ACBD6: variants seen among roughly 807,000 people sequenced by gnomAD.
ACBD6 encodes the protein acyl-CoA binding domain containing 6.
In ACBD6, 28 loss-of-function variants were observed where a neutral mutation model predicts 37.2. The ratio of observed to expected loss-of-function variants is 0.75; its 90% CI spans 0.56 to 1.03. ACBD6 has a LOEUF of 1.03. Among genes scored for constraint, ACBD6 ranks in the 50% least tolerant of loss-of-function variants. The pLI, the probability that ACBD6 is intolerant of heterozygous loss-of-function variation, is 0.00. For synonymous variants in ACBD6, 113 were observed against 126.8 expected (o/e 0.89, Z 0.73); for missense variants, 340 against 337.4 (o/e 1.01, Z -0.06).
intron 6 of ACBD6, among the ~76,000 whole-genome samples, chr1:180,315,432 T>C (rs1379629140): frequency 1.3e-5 from 2 of 152,138 alleles, no homozygotes; most frequent in Non-Finnish European, 2.9e-5. Flanking sequence ...CAACAAATAA[T>C]CAAAGTACAC....
intron 1 of ACBD6, among the ~76,000 whole-genome samples, chr1:180,498,893 T>C (rs533092705): frequency 1.3e-4 from 20 of 152,140 alleles, no homozygotes; most frequent in Admixed American, 6.5e-4. Context: ...CAGTATCTTA[T>C]GAAGTCAACA....
chr1:180,479,593 G>A (rs866697440), intron 3 of ACBD6, among the ~76,000 whole-genome samples: 1 of 152,130 alleles, frequency 6.6e-6, no homozygotes, highest in South Asian at 2.1e-4. Flanking sequence ...TAGCAGAGTA[G>A]AGGGACTACA....
intron 1 of ACBD6, among the ~76,000 whole-genome samples, chr1:180,499,114 G>A (rs1651853626): frequency 6.6e-6 from 1 of 152,110 alleles, no homozygotes; most frequent in Non-Finnish European, 1.5e-5. Flanking sequence ...GAGAAAATAA[G>A]GTTCATATTT....
intron 9 of ACBD6, among the ~76,000 whole-genome samples, chr1:180,280,088 C>T (rs960524031): frequency 1.3e-5 from 2 of 152,162 alleles, no homozygotes; most frequent in African/African-American, 2.4e-5. Flanking sequence ...TTCATGTGAC[C>T]AGTGGCTACT....
At chr1:180,316,884 G>C (rs768252927) in intron 6 of ACBD6, among the ~76,000 whole-genome samples, 13 of 152,128 alleles carry the variant, frequency 8.5e-5, no homozygotes, top group Non-Finnish European at 1.8e-4. Flanking sequence ...TGATGAGTAC[G>C]CTGGAAAACA....
chr1:180,497,571 A>T (rs977732266), intron 1 of ACBD6, among the ~76,000 whole-genome samples: 8 of 152,252 alleles, frequency 5.3e-5, no homozygotes, highest in Admixed American at 3.3e-4. Flanking sequence ...ATTAGAAATT[A>T]AAACTGGGAC....
chr1:180,278,345 CT>C (rs1649166671), intron 9 of ACBD6: 2 of 150,114 alleles, frequency 1.3e-5, no homozygotes, highest in African/African-American at 4.9e-5. Context: ...TGGCTCTCTT[CT>C]TTCTTGGATT....
intron 6 of ACBD6, among the ~76,000 whole-genome samples, chr1:180,354,554 T>C (rs17372362): frequency 0.15 from 22,708 of 151,986 alleles, 1,822 homozygotes; most frequent in Middle Eastern, 0.22. Context: ...CTGGGTCTCC[T>C]AAAAAAAAGT....
rs555958029 is a variant in ACBD6 at position 180,437,140 on chromosome 1, G to A, written c.385-6878C>T. ...CTTTGCAGTTTGGCTTTTTTCCCTC[G>A]ACATCTTCATCTGTATCCTTTGTAA... On this transcript the variant is annotated intron_variant, in intron 3 of 7. Transcript: ENST00000367595. Among the ~76,000 whole-genome samples, 7 of 152,142 alleles carry A rather than the reference G, an allele frequency of 4.6e-5. No homozygotes were observed. The South Asian group carries it at 1.2e-3, about 27-fold the overall frequency.
chr1:180,469,440 G>A (rs1410530542), intron 3 of ACBD6, among the ~76,000 whole-genome samples: 2 of 152,164 alleles, frequency 1.3e-5, no homozygotes, highest in Non-Finnish European at 2.9e-5. Context: ...ATACTCTATA[G>A]TGAGCCTGAA....
At chr1:180,274,205 C>T (rs1648878408) in intron 10 of ACBD6, 2 of 1,614,104 alleles carry the variant, frequency 1.2e-6, no homozygotes, top group Non-Finnish European at 1.7e-6. Context: ...TCTCTCAGAA[C>T]TTGGCCACAC....
intron 6 of ACBD6, among the ~76,000 whole-genome samples, chr1:180,343,453 T>C (rs1482777918): frequency 2.6e-5 from 4 of 152,190 alleles, no homozygotes; most frequent in Non-Finnish European, 5.9e-5. Context: ...TAGAGAATCA[T>C]GGAAGCTCCC....
At chr1:180,297,543 C>T (rs1459361975) in intron 7 of ACBD6, among the ~76,000 whole-genome samples, 1 of 152,092 alleles carries the variant, frequency 6.6e-6, no homozygotes, top group African/African-American at 2.4e-5. Flanking sequence ...CTGTTCCAAC[C>T]CCAGGGTCAC....
intron 12 of ACBD6, chr1:180,273,050 C>T (rs1648786660): frequency 6.6e-6 from 1 of 152,192 alleles, no homozygotes; most frequent in Non-Finnish European, 1.5e-5. Flanking sequence ...AGCATGAGCT[C>T]CCCCCACCAT....
intron 7 of ACBD6, among the ~76,000 whole-genome samples, chr1:180,296,682 G>T (rs564387001): frequency 1.5e-4 from 23 of 149,454 alleles, no homozygotes; most frequent in African/African-American, 5.6e-4. Context: ...CCGCCCACCC[G>T]GGGCTCCCAA....
chr1:180,357,068 G>A (rs1652658664), intron 6 of ACBD6, among the ~76,000 whole-genome samples: 1 of 152,100 alleles, frequency 6.6e-6, no homozygotes, highest in South Asian at 2.1e-4. Flanking sequence ...ACAAGATATC[G>A]ACAGCATAAA....
rs1272968755 is a variant in ACBD6, at chr1:180,467,458, A to AC, written c.384+24810_384+24811insG. Among the ~76,000 whole-genome samples, 24 of 149,818 alleles carry AC rather than the reference A, an allele frequency of 1.6e-4. No individual in the cohort carries two copies. The Middle Eastern group carries it at 0.01, about 64-fold the overall frequency. On this transcript the variant is annotated intron_variant, in intron 3 of 7. Transcript: ENST00000367595. ...TAGACTCCATCTCTGCAAAAAAAAA[A>AC]AAAAAAAAAAAAAACAAAAACAAAC...
At chr1:180,458,985 AAAGTTTTATTAG>A (rs1471232944) in intron 3 of ACBD6, among the ~76,000 whole-genome samples, 23 of 152,144 alleles carry the variant, frequency 1.5e-4, no homozygotes, top group Non-Finnish European at 2.5e-4. Flanking sequence ...GTTTTATTAG[AAAGTTTTATTAG>A]AAGTTTTATT....
chr1:180,369,788 G>C (rs1653185779), intron 6 of ACBD6, among the ~76,000 whole-genome samples: 2 of 152,124 alleles, frequency 1.3e-5, no homozygotes. Context: ...TTTATCTTTA[G>C]AACAAAGTAT....
Sources: gnomAD v4.1 joint callset for allele counts (sites outside exome capture counted in the v4.1 genomes callset) on GRCh38, gnomAD v4.1.1 for gene constraint, MANE v1.5 for transcripts, NCBI Gene and HGNC (gene_info 2026-07-23, HGNC 2026-07-21) for gene names.